PCGF5: variants seen among roughly 807,000 people sequenced by gnomAD.
PCGF5 encodes polycomb group RING finger protein 5.
In PCGF5, 9 loss-of-function variants were observed where a neutral mutation model predicts 44.3. The observed-to-expected ratio is 0.20, with a 90% CI of 0.12 to 0.35. The LOEUF is 0.35. PCGF5 is among the 10% of genes least tolerant of loss of function. PCGF5 has a pLI of 1.00. For missense variants in PCGF5, 146 were observed against 305.3 expected (o/e 0.48, Z 3.89); for synonymous variants, 95 against 102.5 (o/e 0.93, Z 0.44).
intron 1 of PCGF5, among the ~76,000 whole-genome samples, chr10:91,201,913 T>C (rs1484811303): frequency 6.6e-6 from 1 of 152,144 alleles, no homozygotes; most frequent in African/African-American, 2.4e-5. Flanking sequence ...GTTTCTGAAG[T>C]GTTAGGACTG....
At chr10:91,179,188 T>A (rs1052264598) in intron 1 of PCGF5, among the ~76,000 whole-genome samples, 5 of 152,190 alleles carry the variant, frequency 3.3e-5, no homozygotes, top group African/African-American at 1.2e-4. Context: ...AGTCATGTAC[T>A]CTCTATCCTC....
rs146460099 is a variant in PCGF5 at position 91,271,676 on chromosome 10, T to C, written c.702T>C (p.Ser234=). 160 of 1,613,962 alleles carry C rather than the reference T, an allele frequency of 9.9e-5. No individual in the cohort carries two copies. Among genetic ancestry groups the C allele is most frequent in the Admixed American group, 5.0e-5 (3 of 60,008 alleles). The part of the protein sequence containing the change: ...CLNCSASQVC[S]QDGPLYQSYP... ...ACTGCTCAGCTTCGCAAGTCTGCTC[T>C]CAGGATGGCCCTTTGTATCAGGTAA... Residue 234 remains serine, a synonymous_variant, in exon 9 of 10, where the codon TCT becomes TCC. Transcript: ENST00000336126.
At chr10:91,167,559 A>T (rs1843521474) in intron 1 of PCGF5, among the ~76,000 whole-genome samples, 1 of 152,232 alleles carries the variant, frequency 6.6e-6, no homozygotes, top group Non-Finnish European at 1.5e-5. Flanking sequence ...ATATATGAGC[A>T]TGTCCAGGAT....
intron 2 of PCGF5, chr10:91,227,754 A>G (rs577178179): frequency 1.0e-6 from 1 of 999,500 alleles, no homozygotes; most frequent in African/African-American, 1.7e-5. Flanking sequence ...TCTGCCTACC[A>G]CTTCCTCCCC....
At chr10:91,203,943 C>T (rs1255947549) in intron 1 of PCGF5, among the ~76,000 whole-genome samples, 1 of 152,062 alleles carries the variant, frequency 6.6e-6, no homozygotes, top group African/African-American at 2.4e-5. Flanking sequence ...TCAGTGTAAG[C>T]TAATTTAACA....
intron 7 of PCGF5, 46 bp from the exon 8 acceptor site, chr10:91,264,385 T>G (rs752183492): frequency 2.8e-6 from 4 of 1,427,460 alleles, no homozygotes; most frequent in African/African-American, 2.9e-5. Flanking sequence ...AAAATACTTT[T>G]GAATTCAACA....
intron 2 of PCGF5, among the ~76,000 whole-genome samples, chr10:91,224,083 G>A (rs1251147869): frequency 6.6e-6 from 1 of 152,084 alleles, no homozygotes; most frequent in African/African-American, 2.4e-5. Context: ...CAAATTTTAT[G>A]TTACATTTAT....
intron 1 of PCGF5, among the ~76,000 whole-genome samples, chr10:91,166,350 C>A (rs1843499238): frequency 6.6e-6 from 1 of 152,130 alleles, no homozygotes; most frequent in South Asian, 2.1e-4. Flanking sequence ...TCAACAAATG[C>A]TTATTGAAAG....
At chr10:91,271,430 T>C (rs896822225) in intron 8 of PCGF5, among the ~76,000 whole-genome samples, 2 of 152,220 alleles carry the variant, frequency 1.3e-5, no homozygotes, top group Admixed American at 6.6e-5. Flanking sequence ...CTCATCTAGA[T>C]GCTAAAATTA....
intron 8 of PCGF5, among the ~76,000 whole-genome samples, chr10:91,267,316 C>T (rs1846071565): frequency 6.6e-6 from 1 of 152,210 alleles, no homozygotes. Context: ...TTCTTACTCC[C>T]TTTTCATGCC....
chr10:91,257,491 C>A (rs1016184658), intron 6 of PCGF5, among the ~76,000 whole-genome samples: 1 of 146,506 alleles, frequency 6.8e-6, no homozygotes, highest in South Asian at 2.1e-4. Context: ...TCCAAGACCC[C>A]CAGGGGATGT....
intron 9 of PCGF5, 84 bp from the exon 10 acceptor site, chr10:91,278,185 C>G: frequency 8.5e-7 from 1 of 1,175,242 alleles, no homozygotes; most frequent in Non-Finnish European, 1.2e-6. Context: ...AATTATAACT[C>G]CGAATTCTTA....
chr10:91,204,035 TA>T (rs1844299362), intron 1 of PCGF5, among the ~76,000 whole-genome samples: 1 of 152,340 alleles, frequency 6.6e-6, no homozygotes, highest in African/African-American at 2.4e-5. Flanking sequence ...CACAAAATCA[TA>T]AAAATGTTCT....
intron 1 of PCGF5, among the ~76,000 whole-genome samples, chr10:91,172,445 CAGA>C (rs1288621454): frequency 2.0e-5 from 3 of 152,218 alleles, no homozygotes; most frequent in East Asian, 1.9e-4. Flanking sequence ...CCCTCTAGGG[CAGA>C]AGAAGTAATT....
intron 1 of PCGF5, among the ~76,000 whole-genome samples, chr10:91,206,017 G>C (rs933844793): frequency 1.3e-5 from 2 of 152,108 alleles, no homozygotes; most frequent in African/African-American, 4.8e-5. Flanking sequence ...CCGCGACTCT[G>C]TCAAAAAACA....
rs1023609009 is a variant in PCGF5, at chr10:91,280,951, AG to A, written c.*2636del. The A allele has an allele frequency of 6.6e-5, 10 of 152,488 alleles. No individual in the cohort carries two copies. Among genetic ancestry groups the A allele is most frequent in the Non-Finnish European group, 1.5e-4 (10 of 67,900 alleles). 9.4% of individuals were successfully genotyped at this position (152,488 alleles called of 1,614,324 possible). A position where few individuals can be genotyped will look rare whatever the true frequency, so the allele number is the denominator to read the frequency against. Reference sequence around the variant, plus strand: ...GTTTTCTTTAATCTGTTGTTTCTTAAGCAATAAACTGAAAGACCTTTACTTC... The same window carrying A: ...GTTTTCTTTAATCTGTTGTTTCTTAACAATAAACTGAAAGACCTTTACTTC... On this transcript the variant is annotated 3_prime_UTR_variant, in exon 10 of 10. Transcript: ENST00000336126.
At chr10:91,260,816 G>T (rs1325008883) in intron 6 of PCGF5, among the ~76,000 whole-genome samples, 1 of 138,208 alleles carries the variant, frequency 7.2e-6, no homozygotes, top group East Asian at 2.3e-4. Context: ...GTTGTGGGGT[G>T]GGGGAGGGGG....
the PCGF5 span, among the ~76,000 whole-genome samples, chr10:91,157,281 A>G: frequency 3.9e-5 from 6 of 152,250 alleles, no homozygotes; most frequent in Non-Finnish European, 7.3e-5. Flanking sequence ...GGACATTGCA[A>G]TTCATAGAAT....
chr10:91,193,576 G>A (rs1335471710), intron 1 of PCGF5, among the ~76,000 whole-genome samples: 1 of 151,986 alleles, frequency 6.6e-6, no homozygotes, highest in African/African-American at 2.4e-5. Flanking sequence ...GAGAGAGCAG[G>A]GGGATGAGTA....
Sources: gnomAD v4.1 joint callset for allele counts (sites outside exome capture counted in the v4.1 genomes callset) on GRCh38, gnomAD v4.1.1 for gene constraint, MANE v1.5 for transcripts, NCBI Gene and HGNC (gene_info 2026-07-23, HGNC 2026-07-21) for gene names.